The following THSD4 variants were observed in gnomAD, a reference collection of about 807,000 sequenced individuals.
THSD4 encodes the protein thrombospondin type 1 domain containing 4, also known as thrombospondin type-1 domain-containing protein 4.
Under a neutral mutation model 119.0 loss-of-function variants are expected in THSD4, and 69 were observed. The ratio of observed to expected loss-of-function variants is 0.58; its 90% CI spans 0.48 to 0.71. The LOEUF (loss-of-function observed/expected upper bound fraction) is 0.71, where lower values mean the gene tolerates loss of function less well. Ranked by LOEUF, THSD4 falls within the 30% of genes least tolerant of loss-of-function variation. The pLI, the probability that THSD4 is intolerant of heterozygous loss-of-function variation, is 0.00. For missense variants in THSD4, 1,393 were observed against 1,391.1 expected, an observed-to-expected ratio of 1.00 and a Z score of -0.02; for synonymous variants, 524 against 540.4, an observed-to-expected ratio of 0.97 and a Z score of 0.42.
At chr15:71,764,973 C>T in intron 15 of THSD4, 47 bp from the exon 16 acceptor site, 1 of 1,574,510 alleles carries the variant, frequency 6.4e-7, no homozygotes, top group Non-Finnish European at 8.6e-7. Context: ...TAGCTGCCAC[C>T]CCCTTTCCAT....
At chr15:71,527,065 C>T (rs979356083) in intron 7 of THSD4, among the ~76,000 whole-genome samples, 3 of 152,134 alleles carry the variant, frequency 2.0e-5, no homozygotes, top group Non-Finnish European at 4.4e-5. Context: ...ACTCCTCCCT[C>T]ATAAATGGGA....
At chr15:71,161,705 C>T (rs540866758) in intron 3 of THSD4, among the ~76,000 whole-genome samples, 1 of 151,714 alleles carries the variant, frequency 6.6e-6, no homozygotes, top group South Asian at 2.1e-4. Flanking sequence ...TTCAGTTACT[C>T]TATTTTTTTT....
At chr15:71,144,939 T>C (rs2040642230) in intron 2 of THSD4, among the ~76,000 whole-genome samples, 2 of 152,088 alleles carry the variant, frequency 1.3e-5, no homozygotes, top group South Asian at 4.1e-4. Flanking sequence ...CTGTTAAAAA[T>C]TAGAAAGGAA....
chr15:71,526,396 T>C (rs2048518693), intron 7 of THSD4, among the ~76,000 whole-genome samples: 1 of 152,204 alleles, frequency 6.6e-6, no homozygotes, highest in African/African-American at 2.4e-5. Flanking sequence ...TCTTTCTTGT[T>C]AGGAGAGAGT....
chr15:71,180,266 T>A (rs1314525337), intron 3 of THSD4, among the ~76,000 whole-genome samples: 1 of 151,324 alleles, frequency 6.6e-6, no homozygotes, highest in African/African-American at 2.4e-5. Flanking sequence ...GGGATTGATA[T>A]CCAGAGTATA....
chr15:71,367,372 C>T (rs904831822), intron 6 of THSD4, among the ~76,000 whole-genome samples: 2 of 152,168 alleles, frequency 1.3e-5, no homozygotes, highest in African/African-American at 4.8e-5. Context: ...ATACATGTGC[C>T]ATGGTGGTGT....
chr15:71,446,569 A>G (rs922130447), intron 7 of THSD4, among the ~76,000 whole-genome samples: 1 of 152,198 alleles, frequency 6.6e-6, no homozygotes, highest in Non-Finnish European at 1.5e-5. Context: ...AATGCCTTAC[A>G]TAGCAGGATA....
chr15:71,321,409 G>A (rs914999899), intron 6 of THSD4, among the ~76,000 whole-genome samples: 4 of 152,234 alleles, frequency 2.6e-5, no homozygotes, highest in South Asian at 2.1e-4. Flanking sequence ...GGTGGCAGGC[G>A]CCTGTAATTT....
At chr15:71,766,757 C>T (rs1024134286) in intron 16 of THSD4, 1 of 152,062 alleles carries the variant, frequency 6.6e-6, no homozygotes, top group East Asian at 1.9e-4. Flanking sequence ...TCAAAAACAC[C>T]CCAAATGTCC....
At chr15:71,723,929 T>C (rs2052770497) in intron 8 of THSD4, among the ~76,000 whole-genome samples, 2 of 151,220 alleles carry the variant, frequency 1.3e-5, no homozygotes, top group African/African-American at 2.4e-5. Context: ...AATTAACCGA[T>C]TGTGGTGGTG....
At chr15:71,155,029 C>A in intron 3 of THSD4, 97 bp downstream of exon 3, 2 of 1,125,826 alleles carry the variant, frequency 1.8e-6, no homozygotes, top group South Asian at 1.2e-5. Context: ...AGGTGAGTCA[C>A]CACTGATCCT....
chr15:71,442,146 G>C (rs1251449720), intron 7 of THSD4, among the ~76,000 whole-genome samples: 5 of 151,982 alleles, frequency 3.3e-5, no homozygotes, highest in Admixed American at 6.5e-5. Flanking sequence ...TTTTAGCAGA[G>C]ATGGGGTTTC....
intron 4 of THSD4, among the ~76,000 whole-genome samples, chr15:71,225,930 G>T (rs1173474120): frequency 1.3e-5 from 2 of 152,066 alleles, no homozygotes; most frequent in Non-Finnish European, 1.5e-5. Context: ...CCTCCATTCA[G>T]ACTTCTGTCT....
intron 7 of THSD4, among the ~76,000 whole-genome samples, chr15:71,562,890 A>G (rs1465026278): frequency 2.0e-5 from 3 of 151,694 alleles, no homozygotes; most frequent in African/African-American, 7.3e-5. Flanking sequence ...TTTTAGTAGA[A>G]ACGGGGTTTC....
intron 7 of THSD4, among the ~76,000 whole-genome samples, chr15:71,637,074 A>G (rs1001410171): frequency 1.5e-4 from 23 of 151,932 alleles, no homozygotes; most frequent in Non-Finnish European, 1.8e-4. Flanking sequence ...TTTGGTAGAG[A>G]CGGGGTTTCA....
At chr15:71,236,162 A>C (rs2044103846) in intron 4 of THSD4, among the ~76,000 whole-genome samples, 1 of 152,150 alleles carries the variant, frequency 6.6e-6, no homozygotes, top group African/African-American at 2.4e-5. Context: ...CTGAGCTCTA[A>C]GGGAAAACAA....
intron 3 of THSD4, among the ~76,000 whole-genome samples, chr15:71,197,017 C>A (rs2043725435): frequency 6.6e-6 from 1 of 152,152 alleles, no homozygotes; most frequent in African/African-American, 2.4e-5. Context: ...ATCTGCCTGG[C>A]CTTGTATTTG....
In THSD4 at chr15:71,777,385, C is replaced by T. The variant is rs1005404950; in HGVS notation, c.*11C>T. 4.3e-6 allele frequency: 7 copies of T among 1,611,560 alleles called. No homozygotes were observed. Among genetic ancestry groups the T allele is most frequent in the Admixed American group, 1.7e-5 (1 of 59,758 alleles). On this transcript the variant is annotated 3_prime_UTR_variant, in exon 18 of 18. Coordinates refer to ENST00000261862, the MANE Select transcript of THSD4 (RefSeq NM_024817.3). ...CTGGGGAGCAGATAACACTCCTGCA[C>T]CCCCATCAGTAGGGCAGCATCACTG... is the stretch of plus-strand genomic sequence containing the variant.
upstream of THSD4, chr15:71,112,264 A>T (rs1179278964): frequency 6.3e-7 from 1 of 1,575,544 alleles, no homozygotes; most frequent in African/African-American, 1.4e-5. Context: ...AGTCTTCTAT[A>T]GGATGTCGTA....
Sources: gnomAD v4.1 joint callset for allele counts (sites outside exome capture counted in the v4.1 genomes callset) on GRCh38, gnomAD v4.1.1 for gene constraint, MANE v1.5 for transcripts, NCBI Gene and HGNC (gene_info 2026-07-23, HGNC 2026-07-21) for gene names.